DGKB: variants seen among roughly 807,000 people sequenced by gnomAD.
DGKB encodes the protein diacylglycerol kinase beta, also known as 90 kDa diacylglycerol kinase.
Under a neutral mutation model 114.3 loss-of-function variants are expected in DGKB, and 67 were observed. The observed-to-expected ratio is 0.59, with a 90% confidence interval of 0.48 to 0.72. The LOEUF (loss-of-function observed/expected upper bound fraction) is 0.72. Among genes scored for constraint, DGKB ranks in the 30% least tolerant of loss-of-function variants. DGKB has a pLI of 0.00. For missense variants in DGKB, 907 were observed against 975.2 expected (o/e 0.93, Z 0.93); for synonymous variants, 398 against 323.1 (o/e 1.23, Z -2.49).
chr7:14,626,401 C>G (rs568441292), intron 14 of DGKB, among the ~76,000 whole-genome samples: 1 of 152,232 alleles, frequency 6.6e-6, no homozygotes, highest in Non-Finnish European at 1.5e-5. Context: ...CCTGCTACTA[C>G]TGCACAACTT....
At chr7:14,355,617 G>C (rs995697724) in intron 21 of DGKB, among the ~76,000 whole-genome samples, 1 of 152,176 alleles carries the variant, frequency 6.6e-6, no homozygotes, top group African/African-American at 2.4e-5. Flanking sequence ...TTGCATCCCA[G>C]GGATGAAGCC....
At chr7:14,280,417 C>T (rs372503776) in intron 23 of DGKB, among the ~76,000 whole-genome samples, 2 of 151,968 alleles carry the variant, frequency 1.3e-5, no homozygotes, top group Non-Finnish European at 1.5e-5. Flanking sequence ...GAGAATGGAA[C>T]CGAGTTGGAA....
At chr7:14,900,351 C>A (rs1182103957) in intron 1 of DGKB, among the ~76,000 whole-genome samples, 1 of 152,142 alleles carries the variant, frequency 6.6e-6, no homozygotes, top group Non-Finnish European at 1.5e-5. Context: ...GGCAAGTGCT[C>A]CTCGGCTAGA....
intron 20 of DGKB, among the ~76,000 whole-genome samples, chr7:14,533,275 C>A (rs1791892977): frequency 1.3e-5 from 2 of 151,652 alleles, no homozygotes; most frequent in South Asian, 2.1e-4. Context: ...TCAATCAGAA[C>A]AAAGAACAGT....
intron 1 of DGKB, among the ~76,000 whole-genome samples, chr7:14,866,792 C>T (rs1382473989): frequency 6.6e-6 from 1 of 152,084 alleles, no homozygotes; most frequent in Non-Finnish European, 1.5e-5. Context: ...TGATTCATTT[C>T]GTAGAAACCA....
chr7:14,870,472 A>G (rs1279607564), intron 1 of DGKB, among the ~76,000 whole-genome samples: 1 of 152,212 alleles, frequency 6.6e-6, no homozygotes, highest in South Asian at 2.1e-4. Context: ...CTTAAGTACG[A>G]ACTTTTGTTA....
intron 1 of DGKB, among the ~76,000 whole-genome samples, chr7:14,896,942 A>G (rs1474612396): frequency 6.6e-6 from 1 of 151,820 alleles, no homozygotes; most frequent in African/African-American, 2.4e-5. Flanking sequence ...AAAATACACA[A>G]CTTGGGATTC....
At chr7:14,955,948 G>T (rs532041106) in intron 1 of DGKB, among the ~76,000 whole-genome samples, 1 of 152,106 alleles carries the variant, frequency 6.6e-6, no homozygotes, top group Admixed American at 6.6e-5. Flanking sequence ...TGACATTGAA[G>T]AGGTAGGCAT....
chr7:14,617,085 T>G (rs1333831054), intron 15 of DGKB, among the ~76,000 whole-genome samples: 1 of 151,662 alleles, frequency 6.6e-6, no homozygotes, highest in Non-Finnish European at 1.5e-5. Context: ...TTCAATCACT[T>G]CTCTCTATAT....
Position 14,902,583 on chromosome 7 carries a change from T to G in DGKB, c.-188+9A>C, listed in dbSNP as rs573331557. On this transcript the variant is annotated intron_variant, in intron 1 of 25. Transcript: ENST00000402815. ...ACTCAATTTGCCAACCATGTCCAGT[T>G]TAACTTACTGCAGTGTGATGCAGGC... The G allele has an allele frequency of 2.6e-5, 4 of 152,388 alleles. No individual in the cohort carries two copies. The highest frequency in any genetic ancestry group is 2.4e-5 in the African/African-American group (1 of 41,556). The allele number at this position is 152,388 out of a possible 1,614,324, so 9.4% of individuals were successfully genotyped here.
intron 23 of DGKB, among the ~76,000 whole-genome samples, chr7:14,215,971 A>T (rs1788891936): frequency 6.6e-6 from 1 of 151,978 alleles, no homozygotes; most frequent in Admixed American, 6.6e-5. Flanking sequence ...TTTCAGATTC[A>T]TTCACAAACA....
rs1209140599 is a variant in DGKB, at chr7:14,178,128, C to T, written c.2146G>A (p.Val716Met). The change falls in exon 24 of 26, where the codon GTG (valine) becomes ATG (methionine). Residue 716 changes from valine (V) to methionine (M), a missense_variant. Transcript: ENST00000402815. ...TCCATGGCTCCTTCCAAGCCGACCA[C>T]CTCCAGCAGCTGGTCACTGAGATCT... is the stretch of plus-strand genomic sequence containing the variant. ...SQDLSDQLLE[V>M]VGLEGAMEMG... The T allele has an allele frequency of 1.9e-6, 3 of 1,613,406 alleles. No homozygotes were observed. Among genetic ancestry groups the T allele is most frequent in the Non-Finnish European group, 2.5e-6 (3 of 1,179,772 alleles).
intron 12 of DGKB, among the ~76,000 whole-genome samples, chr7:14,676,798 T>G (rs901453450): frequency 1.3e-5 from 2 of 151,908 alleles, no homozygotes; most frequent in Admixed American, 6.6e-5. Flanking sequence ...AACTACAGCA[T>G]TGAAGATGCT....
intron 1 of DGKB, among the ~76,000 whole-genome samples, chr7:14,927,147 GA>G (rs35489756): frequency 0.13 from 19,048 of 151,940 alleles, 1,534 homozygotes; most frequent in Non-Finnish European, 0.19. Context: ...TTGGCTGGTA[GA>G]TACTTTTACT....
At chr7:14,813,761 A>T (rs1742268435) in intron 2 of DGKB, among the ~76,000 whole-genome samples, 1 of 151,840 alleles carries the variant, frequency 6.6e-6, no homozygotes, top group African/African-American at 2.4e-5. Flanking sequence ...TGAATCTTTT[A>T]CTCTAGTGAT....
chr7:14,904,712 G>T (rs914466310), upstream of DGKB, among the ~76,000 whole-genome samples: 1 of 152,050 alleles, frequency 6.6e-6, no homozygotes, highest in Admixed American at 6.5e-5. Context: ...ATTTTTTAAC[G>T]TCAAAATTCT....
At chr7:14,344,681 T>A (rs1812175972) in intron 22 of DGKB, among the ~76,000 whole-genome samples, 1 of 150,620 alleles carries the variant, frequency 6.6e-6, no homozygotes. Context: ...TTTATAATAT[T>A]TCTCCAAAAT....
chr7:14,722,373 C>T (rs1367413367), intron 5 of DGKB, among the ~76,000 whole-genome samples: 1 of 152,082 alleles, frequency 6.6e-6, no homozygotes, highest in Non-Finnish European at 1.5e-5. Flanking sequence ...TGGCTTTTTT[C>T]TGTTATTAAT....
chr7:14,347,187 C>T (rs997672929), intron 21 of DGKB, among the ~76,000 whole-genome samples: 2 of 151,650 alleles, frequency 1.3e-5, no homozygotes, highest in African/African-American at 4.8e-5. Context: ...TTATTATGGC[C>T]CTTATCTGCC....
Sources: gnomAD v4.1 joint callset for allele counts (sites outside exome capture counted in the v4.1 genomes callset) on GRCh38, gnomAD v4.1.1 for gene constraint, MANE v1.5 for transcripts, NCBI Gene and HGNC (gene_info 2026-07-23, HGNC 2026-07-21) for gene names.